The following ADAM12 variants were observed in gnomAD, a reference collection of about 807,000 sequenced individuals.
The protein encoded by ADAM12 is ADAM metallopeptidase domain 12.
A neutral mutation model predicts 106.4 loss-of-function variants in ADAM12; 70 were observed. The ratio of observed to expected loss-of-function variants is 0.66; its 90% CI spans 0.54 to 0.80. ADAM12 has a LOEUF of 0.80. Among genes scored for constraint, ADAM12 ranks in the 30% least tolerant of loss-of-function variants. The pLI is 0.00. For synonymous variants in ADAM12, 420 were observed against 433.5 expected, an observed-to-expected ratio of 0.97 and a Z score of 0.39; for missense variants, 1,010 against 1,171.9, an observed-to-expected ratio of 0.86 and a Z score of 2.02.
intron 2 of ADAM12, among the ~76,000 whole-genome samples, chr10:126,306,175 A>T (rs532027812): frequency 6.6e-6 from 1 of 151,932 alleles, no homozygotes; most frequent in Non-Finnish European, 1.5e-5. Context: ...CTGTTTTTTT[A>T]AAATAAACTT....
At chr10:126,330,734 TC>T (rs1590789775) in intron 1 of ADAM12, among the ~76,000 whole-genome samples, 1 of 152,222 alleles carries the variant, frequency 6.6e-6, no homozygotes, top group East Asian at 1.9e-4. Flanking sequence ...ATTAATTTGT[TC>T]CTTCAAGACC....
chr10:126,345,822 T>C (rs1590808094), intron 1 of ADAM12, among the ~76,000 whole-genome samples: 1 of 152,222 alleles, frequency 6.6e-6, no homozygotes, highest in African/African-American at 2.4e-5. Context: ...GAGGTGTTTA[T>C]AGTATTCTCT....
At chr10:126,100,245 T>C (rs1955636371) in intron 9 of ADAM12, among the ~76,000 whole-genome samples, 1 of 152,164 alleles carries the variant, frequency 6.6e-6, no homozygotes, top group African/African-American at 2.4e-5. Flanking sequence ...TAATGTGCTA[T>C]GCTTCCCGGT....
chr10:126,097,880 G>A (rs576444213), intron 10 of ADAM12, among the ~76,000 whole-genome samples: 2 of 152,172 alleles, frequency 1.3e-5, no homozygotes, highest in Admixed American at 6.5e-5. Flanking sequence ...TCCTTGTAAA[G>A]CAATAAACCT....
chr10:126,096,234 C>T (rs73378603), intron 10 of ADAM12, among the ~76,000 whole-genome samples: 4,188 of 152,244 alleles, frequency 0.028, 188 homozygotes, highest in African/African-American at 0.095. Context: ...AAGGAATTCA[C>T]CCTTAAAAAA....
At chr10:126,313,459 A>G (rs1323718315) in intron 2 of ADAM12, among the ~76,000 whole-genome samples, 4 of 152,350 alleles carry the variant, frequency 2.6e-5, no homozygotes, top group Admixed American at 6.5e-5. Context: ...AATGCAAAGT[A>G]TGGGGTCAAA....
intron 3 of ADAM12, among the ~76,000 whole-genome samples, chr10:126,206,234 C>T (rs974710894): frequency 6.6e-6 from 1 of 152,144 alleles, no homozygotes; most frequent in African/African-American, 2.4e-5. Context: ...TATAGAACTA[C>T]CACATGGACA....
chr10:126,321,261 T>TC lies in ADAM12; in HGVS notation c.186+9150dup, dbSNP rs534391451. On this transcript the variant is annotated intron_variant, in intron 2 of 22. Transcript: ENST00000448723. ...TCTCAAGAAGGTAAATCATGATATC[T>TC]CCTGCATTATCCAAATTTGTTCAGT... Among the ~76,000 whole-genome samples, 210 of 152,326 alleles carry TC rather than the reference T, an allele frequency of 1.4e-3. 6 individuals carry two copies. The highest frequency in any genetic ancestry group is 2.9e-3 in the Admixed American group (44 of 15,304).
At chr10:126,168,862 G>A (rs1957070583) in intron 3 of ADAM12, among the ~76,000 whole-genome samples, 1 of 152,060 alleles carries the variant, frequency 6.6e-6, no homozygotes, top group African/African-American at 2.4e-5. Context: ...AGACCAGCCT[G>A]GCCAACATGG....
intron 3 of ADAM12, among the ~76,000 whole-genome samples, chr10:126,164,468 T>C (rs1956990570): frequency 6.6e-6 from 1 of 152,234 alleles, no homozygotes; most frequent in Admixed American, 6.5e-5. Context: ...AAATCATTCA[T>C]ATGTAAATTT....
At chr10:126,371,659 A>T (rs1220108129) in intron 1 of ADAM12, among the ~76,000 whole-genome samples, 2 of 152,234 alleles carry the variant, frequency 1.3e-5, no homozygotes, top group Non-Finnish European at 2.9e-5. Context: ...TCTAACTGGT[A>T]ATTAAGATAT....
chr10:126,068,755 CA>C (rs1184929276), intron 12 of ADAM12, among the ~76,000 whole-genome samples: 4 of 152,112 alleles, frequency 2.6e-5, no homozygotes, highest in African/African-American at 9.7e-5. Flanking sequence ...TTTTAGTCCT[CA>C]ATAGAGAAGT....
At chr10:126,346,059 G>T (rs1040869000) in intron 1 of ADAM12, among the ~76,000 whole-genome samples, 4 of 152,038 alleles carry the variant, frequency 2.6e-5, no homozygotes, top group African/African-American at 7.2e-5. Flanking sequence ...TGCCCCTTCT[G>T]CTAGCTTTTG....
intron 21 of ADAM12, among the ~76,000 whole-genome samples, chr10:126,028,206 C>T (rs1052046391): frequency 6.6e-5 from 10 of 152,154 alleles, no homozygotes; most frequent in Non-Finnish European, 1.2e-4. Flanking sequence ...AAAAGCATTC[C>T]ATGCTTATGG....
rs534081356 is a variant in ADAM12 at position 126,094,017 on chromosome 10, C to G, written c.1113G>C (p.Glu371Asp). Residue 371 changes from glutamate (E) to aspartate (D), a missense_variant, in exon 11 of 23, where the codon GAG becomes GAC. Coordinates refer to ENST00000448723, the MANE Select transcript of ADAM12 (RefSeq NM_001288973.2). ...DRGCSCQMAVEKGGCIMNAST... is the reference protein window; with the variant it reads ...DRGCSCQMAVDKGGCIMNAST... ...AAGCGTTCATGATGCAGCCTCCTTT[C>G]TCAACCGCCATTTGACAGCTACAGC... The G allele has an allele frequency of 1.2e-6, 2 of 1,614,192 alleles. No homozygotes were observed. Among genetic ancestry groups the G allele is most frequent in the African/African-American group, 2.7e-5 (2 of 75,050 alleles).
Position 126,043,587 on chromosome 10 carries a change from C to T in ADAM12, c.1996-439G>A, listed in dbSNP as rs1954236470. Among the ~76,000 whole-genome samples the T allele has an allele frequency of 6.6e-6, 1 of 152,216 alleles. No individual in the cohort carries two copies. Among genetic ancestry groups the T allele is most frequent in the African/African-American group, 2.4e-5 (1 of 41,474 alleles). On this transcript the variant is annotated intron_variant, in intron 17 of 22. Transcript: ENST00000448723. This position sits in a 1 kb window ranked among gnomAD's most constrained non-coding sequence, Gnocchi z 4.1. Reference sequence around the variant, plus strand: ...CAGATGCTTGGCGCATCCCTGTCTCCTTCAGACAGAAGGCTCAGAGAGGCT... The same window carrying T: ...CAGATGCTTGGCGCATCCCTGTCTCTTTCAGACAGAAGGCTCAGAGAGGCT...
At chr10:126,219,420 C>A (rs1220043686) in intron 3 of ADAM12, among the ~76,000 whole-genome samples, 4 of 152,164 alleles carry the variant, frequency 2.6e-5, no homozygotes, top group Non-Finnish European at 1.5e-5. Flanking sequence ...TCAGGACTTA[C>A]ATTAATCTCT....
intron 3 of ADAM12, among the ~76,000 whole-genome samples, chr10:126,213,089 G>A (rs923102009): frequency 9.9e-5 from 15 of 152,124 alleles, no homozygotes; most frequent in Middle Eastern, 3.4e-3. Context: ...CTTTCCTGTC[G>A]TATCCAGCAC....
At chr10:126,153,111 C>T (rs1424475950) in intron 4 of ADAM12, among the ~76,000 whole-genome samples, 2 of 152,136 alleles carry the variant, frequency 1.3e-5, no homozygotes, top group Non-Finnish European at 1.5e-5. Context: ...TAGATACCTT[C>T]GTTGGAATCT....
Sources: gnomAD v4.1 joint callset for allele counts (sites outside exome capture counted in the v4.1 genomes callset) on GRCh38, gnomAD v4.1.1 for gene constraint, Gnocchi (gnomAD v3.1) non-coding constraint, MANE v1.5 for transcripts, NCBI Gene and HGNC (gene_info 2026-07-23, HGNC 2026-07-21) for gene names.